Variants in CLMP observed in about 807,000 individuals in gnomAD.
The protein encoded by CLMP is CXADR-like membrane protein.
CLMP carries 27 observed loss-of-function variants against 45.2 expected under a neutral mutation model. That is an observed-to-expected ratio of 0.60 (90% CI 0.44 to 0.82). The LOEUF (loss-of-function observed/expected upper bound fraction) is 0.82, where lower values mean the gene tolerates loss of function less well. CLMP is among the 40% of genes least tolerant of loss of function. The pLI is 0.00. For synonymous variants in CLMP, 167 were observed against 171.4 expected, an observed-to-expected ratio of 0.97 and a Z score of 0.20; for missense variants, 403 against 448.4, an observed-to-expected ratio of 0.90 and a Z score of 0.91.
intron 1 of CLMP, among the ~76,000 whole-genome samples, chr11:123,154,790 G>C (rs1173636171): frequency 2.6e-5 from 4 of 152,252 alleles, no homozygotes; most frequent in African/African-American, 9.6e-5. Flanking sequence ...TGAAGGCCCA[G>C]ATTTTCACTC....
intron 1 of CLMP, among the ~76,000 whole-genome samples, chr11:123,179,348 G>A (rs923670185): frequency 2.6e-4 from 40 of 152,132 alleles, no homozygotes; most frequent in Admixed American, 2.6e-3. Flanking sequence ...GGGTGGAGGC[G>A]GGATAGAGAG....
chr11:123,183,137 G>T (rs1367309097), intron 1 of CLMP, among the ~76,000 whole-genome samples: 1 of 152,152 alleles, frequency 6.6e-6, no homozygotes, highest in Non-Finnish European at 1.5e-5. Context: ...TGTGCATTCT[G>T]GTTCAGTGGG....
chr11:123,112,332 CTTTTTCTTTTTT>C (rs1860650937), intron 1 of CLMP, among the ~76,000 whole-genome samples: 1 of 148,004 alleles, frequency 6.8e-6, no homozygotes, highest in Non-Finnish European at 1.5e-5. Flanking sequence ...CTTTCTTTTT[CTTTTTCTTTTTT>C]TTTTTTTTTT....
Position 123,155,800 on chromosome 11 carries a change from C to T in CLMP, c.28+39113G>A, listed in dbSNP as rs555988820. 4.6e-5 allele frequency among the ~76,000 whole-genome samples: 7 copies of T among 152,116 alleles called. No homozygotes were observed. In the East Asian group the frequency reaches 7.7e-4, roughly 17 times the overall value. On this transcript the variant is annotated intron_variant, in intron 1 of 6. Coordinates refer to ENST00000448775, the MANE Select transcript of CLMP (RefSeq NM_024769.5). ...TGCAGAAATGATAGTGTGTGACTTC[C>T]GAGACTCAGTCATAAAACATATTAT...
intron 1 of CLMP, among the ~76,000 whole-genome samples, chr11:123,135,592 G>T (rs1026838940): frequency 1.3e-5 from 2 of 152,028 alleles, no homozygotes; most frequent in Non-Finnish European, 2.9e-5. Context: ...CATAAAAAGA[G>T]AATAATATTT....
At chr11:123,136,131 C>T (rs1861067652) in intron 1 of CLMP, 2 of 623,392 alleles carry the variant, frequency 3.2e-6, no homozygotes, top group Non-Finnish European at 6.3e-6. Flanking sequence ...AGCAATCTGA[C>T]GGCAAGAAAG....
At chr11:123,162,904 C>CA (rs547647574) in intron 1 of CLMP, among the ~76,000 whole-genome samples, 2,970 of 140,650 alleles carry the variant, frequency 0.021, 48 homozygotes, top group South Asian at 0.034. Flanking sequence ...GACCCTGTCT[C>CA]AAAAAAAAAA....
intron 1 of CLMP, among the ~76,000 whole-genome samples, chr11:123,139,013 C>T (rs1861117583): frequency 1.3e-5 from 2 of 152,066 alleles, no homozygotes; most frequent in African/African-American, 4.8e-5. Context: ...TGTTTTCTGA[C>T]ACATACATTG....
chr11:123,112,585 A>T (rs1041554650), intron 1 of CLMP, among the ~76,000 whole-genome samples: 1 of 151,432 alleles, frequency 6.6e-6, no homozygotes, highest in African/African-American at 2.4e-5. Flanking sequence ...GAGCCCCCCC[A>T]CCTCGGCCTC....
chr11:123,098,953 A>C (rs973601756), intron 1 of CLMP, among the ~76,000 whole-genome samples: 2 of 152,090 alleles, frequency 1.3e-5, no homozygotes, highest in Non-Finnish European at 1.5e-5. Flanking sequence ...TCAGCCTCCC[A>C]AAGTGCTGGG....
At chr11:123,118,007 G>A (rs1860740370) in intron 1 of CLMP, among the ~76,000 whole-genome samples, 1 of 152,100 alleles carries the variant, frequency 6.6e-6, no homozygotes, top group South Asian at 2.1e-4. Flanking sequence ...AGAAATCTTT[G>A]GAATATATTC....
At chr11:123,093,053 A>G (rs1591454537) in intron 2 of CLMP, among the ~76,000 whole-genome samples, 1 of 150,086 alleles carries the variant, frequency 6.7e-6, no homozygotes, top group Non-Finnish European at 1.5e-5. Flanking sequence ...GACTACAGGC[A>G]CCCGCCATCA....
intron 2 of CLMP, among the ~76,000 whole-genome samples, chr11:123,086,118 G>T (rs1349002055): frequency 6.6e-6 from 1 of 150,744 alleles, no homozygotes; most frequent in East Asian, 1.9e-4. Flanking sequence ...CACCATTCTG[G>T]CCAGGCTGGT....
intron 1 of CLMP, among the ~76,000 whole-genome samples, chr11:123,158,529 C>G (rs1167401470): frequency 2.0e-5 from 3 of 152,156 alleles, no homozygotes; most frequent in African/African-American, 7.2e-5. Context: ...CTATGGGCCT[C>G]ACTGTCTCCC....
At position 123,195,154 on chromosome 11, in the gene CLMP, C is replaced by A; in HGVS notation, c.-214G>T. ...CTCGCCCCACCAGCTGGCGCCCGGACGGGAGCCGGGACCAGGGTCAGGGAG... is the reference window on the plus strand; with the variant it reads ...CTCGCCCCACCAGCTGGCGCCCGGAAGGGAGCCGGGACCAGGGTCAGGGAG... On this transcript the variant is annotated 5_prime_UTR_variant, in exon 1 of 7. Coordinates refer to ENST00000448775, the MANE Select transcript of CLMP (RefSeq NM_024769.5). 1 of 295,804 alleles carries A rather than the reference C, an allele frequency of 3.4e-6. No individual in the cohort carries two copies. Among genetic ancestry groups the A allele is most frequent in the Non-Finnish European group, 6.2e-6 (1 of 162,438 alleles). The allele number at this position is 295,804 out of a possible 1,614,324, so 18.3% of individuals were successfully genotyped here.
chr11:123,118,209 A>C (rs567289451), intron 1 of CLMP, among the ~76,000 whole-genome samples: 1 of 152,232 alleles, frequency 6.6e-6, no homozygotes, highest in East Asian at 1.9e-4. Flanking sequence ...GGCTCACTGC[A>C]ACCTCTGCCT....
intron 1 of CLMP, among the ~76,000 whole-genome samples, chr11:123,189,365 C>T (rs1249345729): frequency 6.6e-6 from 1 of 152,130 alleles, no homozygotes; most frequent in Non-Finnish European, 1.5e-5. Context: ...GCTGTTTACT[C>T]GCAGTGTATT....
chr11:123,116,337 C>G (rs1860719180), intron 1 of CLMP, among the ~76,000 whole-genome samples: 1 of 152,040 alleles, frequency 6.6e-6, no homozygotes, highest in East Asian at 1.9e-4. Context: ...GATGCCGAGA[C>G]AGGCGGATCA....
At chr11:123,088,029 G>A (rs976826084) in intron 2 of CLMP, among the ~76,000 whole-genome samples, 2 of 151,540 alleles carry the variant, frequency 1.3e-5, no homozygotes, top group Admixed American at 6.6e-5. Flanking sequence ...TCCTGCCTCA[G>A]CCTCCTGAGT....
Sources: gnomAD v4.1 joint callset for allele counts (sites outside exome capture counted in the v4.1 genomes callset) on GRCh38, gnomAD v4.1.1 for gene constraint, MANE v1.5 for transcripts, NCBI Gene and HGNC (gene_info 2026-07-23, HGNC 2026-07-21) for gene names.